KIF6: variants seen among roughly 807,000 people sequenced by gnomAD.
The protein encoded by KIF6 is kinesin-like protein KIF6.
Under a neutral mutation model 112.7 loss-of-function variants are expected in KIF6, and 106 were observed. That is an observed-to-expected ratio of 0.94 (90% CI 0.80 to 1.11). KIF6 has a LOEUF of 1.11. Among genes scored for constraint, KIF6 ranks in the 50% least tolerant of loss-of-function variants. KIF6 has a pLI of 0.00. For synonymous variants in KIF6, 339 were observed against 339.9 expected, an observed-to-expected ratio of 1.00 and a Z score of 0.03; for missense variants, 929 against 964.0, an observed-to-expected ratio of 0.96 and a Z score of 0.48.
intron 18 of KIF6, 41 bp from the exon 19 acceptor site, chr6:39,357,415 C>G (rs1213375605): frequency 4.9e-6 from 5 of 1,017,916 alleles, no homozygotes; most frequent in Non-Finnish European, 7.6e-6. Context: ...TAGCTTGAAT[C>G]TAATGACATA....
In KIF6 at chr6:39,615,159, C is replaced by T. The variant is rs533504892; in HGVS notation, c.510-1841G>A. ...CTGTCCTCCAGTCTGGGAGACGGAG[C>T]GAGGCCTTTTCTAAAAAAAAAAAAA... On this transcript the variant is annotated intron_variant, in intron 5 of 22. Coordinates refer to ENST00000287152, the MANE Select transcript of KIF6 (RefSeq NM_145027.6). Among the ~76,000 whole-genome samples, 9 of 147,752 alleles carry T rather than the reference C, an allele frequency of 6.1e-5. No individual in the cohort carries two copies. The South Asian group carries it at 6.5e-4, about 11-fold the overall frequency.
chr6:39,354,661 T>C (rs1383466789), intron 19 of KIF6, among the ~76,000 whole-genome samples: 1 of 152,120 alleles, frequency 6.6e-6, no homozygotes, highest in Non-Finnish European at 1.5e-5. Flanking sequence ...TGGTCACTAA[T>C]TGGGTAAGCA....
At chr6:39,414,491 G>A (rs1214724890) in intron 15 of KIF6, among the ~76,000 whole-genome samples, 1 of 152,214 alleles carries the variant, frequency 6.6e-6, no homozygotes, top group African/African-American at 2.4e-5. Context: ...AGAAAAAGGT[G>A]TGCCTTCCTA....
intron 3 of KIF6, among the ~76,000 whole-genome samples, chr6:39,669,732 G>C (rs1786689632): frequency 6.6e-6 from 1 of 152,214 alleles, no homozygotes; most frequent in Admixed American, 6.5e-5. Flanking sequence ...GGGGCAGCAC[G>C]AGGTGGGCGG....
intron 13 of KIF6, among the ~76,000 whole-genome samples, chr6:39,444,077 C>T (rs1349281469): frequency 6.6e-6 from 1 of 152,248 alleles, no homozygotes; most frequent in East Asian, 1.9e-4. Context: ...TACATATGTT[C>T]TTATTTAATT....
intron 5 of KIF6, among the ~76,000 whole-genome samples, chr6:39,615,498 C>T (rs1180707369): frequency 7.0e-6 from 1 of 142,722 alleles, no homozygotes; most frequent in African/African-American, 2.6e-5. Context: ...ACCCACCCCA[C>T]TCTCCCCAGA....
intron 16 of KIF6, among the ~76,000 whole-genome samples, chr6:39,371,900 G>C (rs1051713711): frequency 6.6e-6 from 1 of 152,134 alleles, no homozygotes; most frequent in African/African-American, 2.4e-5. Flanking sequence ...CAGGCCCAGA[G>C]AGTCCAAGGC....
intron 15 of KIF6, among the ~76,000 whole-genome samples, chr6:39,387,428 G>A (rs1767518523): frequency 6.6e-6 from 1 of 152,168 alleles, no homozygotes; most frequent in Non-Finnish European, 1.5e-5. Context: ...CTTGGGAAAG[G>A]GTCTGGGGCA....
intron 5 of KIF6, among the ~76,000 whole-genome samples, chr6:39,618,835 C>T (rs151073172): frequency 4.7e-4 from 72 of 152,222 alleles, no homozygotes; most frequent in African/African-American, 1.6e-3. Flanking sequence ...TCCCTAAAAC[C>T]CAACTCTGAC....
chr6:39,551,808 A>G (rs1779399231), intron 10 of KIF6, among the ~76,000 whole-genome samples: 1 of 152,196 alleles, frequency 6.6e-6, no homozygotes, highest in African/African-American at 2.4e-5. Context: ...TTCATTCATC[A>G]ACCCTCTGTG....
intron 13 of KIF6, among the ~76,000 whole-genome samples, chr6:39,504,360 G>A (rs1465075679): frequency 6.6e-6 from 1 of 151,930 alleles, no homozygotes; most frequent in African/African-American, 2.4e-5. Flanking sequence ...AAAATAATAA[G>A]AGCCATATAT....
intron 16 of KIF6, among the ~76,000 whole-genome samples, chr6:39,377,074 CT>C (rs1023065861): frequency 6.6e-6 from 1 of 152,074 alleles, no homozygotes; most frequent in Non-Finnish European, 1.5e-5. Flanking sequence ...GTTGTTTTCT[CT>C]TTTTCTTTTT....
chr6:39,605,526 A>G (rs1428119585), intron 6 of KIF6, among the ~76,000 whole-genome samples: 3 of 152,132 alleles, frequency 2.0e-5, no homozygotes. Flanking sequence ...TGTATAAACA[A>G]TTAAGACACA....
intron 6 of KIF6, among the ~76,000 whole-genome samples, chr6:39,605,250 C>G (rs1199261761): frequency 6.6e-6 from 1 of 152,046 alleles, no homozygotes; most frequent in Non-Finnish European, 1.5e-5. Flanking sequence ...GCCATCAAAA[C>G]AGTAACTTAT....
intron 5 of KIF6, among the ~76,000 whole-genome samples, chr6:39,627,161 G>A (rs1784134792): frequency 6.6e-6 from 1 of 152,108 alleles, no homozygotes; most frequent in African/African-American, 2.4e-5. Flanking sequence ...AACTGTCACA[G>A]AACAAGCCCT....
At position 39,482,006 on chromosome 6, in the gene KIF6, G is replaced by GCACACACACACA. The variant is rs143093562; in HGVS notation, c.1646-50857_1646-50846dup. Among the ~76,000 whole-genome samples, 685 of 141,236 alleles carry GCACACACACACA rather than the reference G, an allele frequency of 4.9e-3. 12 individuals are homozygous for GCACACACACACA. The East Asian group carries it at 0.084, about 17-fold the overall frequency. 92.7% of individuals were successfully genotyped at this position (141,236 alleles called of 152,430 possible). On this transcript the variant is annotated intron_variant, in intron 13 of 22. Transcript: ENST00000287152. ...GAGATAAAGACAACGGGACCTTTAGGCACACACACACACACACACACACAC... is the reference window on the plus strand; with the variant it reads ...GAGATAAAGACAACGGGACCTTTAGGCACACACACACACACACACACACACACACACACACAC...
intron 13 of KIF6, among the ~76,000 whole-genome samples, chr6:39,519,764 T>TA (rs1474081958): frequency 7.9e-6 from 1 of 127,308 alleles, no homozygotes; most frequent in African/African-American, 3.3e-5. Context: ...CTCATGCCTG[T>TA]AAATTCCAGC....
intron 3 of KIF6, among the ~76,000 whole-genome samples, chr6:39,660,462 T>C (rs2150810572): frequency 6.6e-6 from 1 of 152,326 alleles, no homozygotes; most frequent in East Asian, 1.9e-4. Context: ...TGTCTAGTTG[T>C]GTTGTCAATG....
Position 39,449,755 on chromosome 6 carries a change from A to G in KIF6, c.1646-18594T>C, listed in dbSNP as rs543900126. On this transcript the variant is annotated intron_variant, in intron 13 of 22. Transcript: ENST00000287152. Reference sequence around the variant, plus strand: ...AGTCCCATTGTAAACAGGTCCTCTGATAGGTACCAGATTGGCACACCTGCC... The same window carrying G: ...AGTCCCATTGTAAACAGGTCCTCTGGTAGGTACCAGATTGGCACACCTGCC... Among the ~76,000 whole-genome samples the G allele has an allele frequency of 2.2e-3, 329 of 152,298 alleles. 1 individual carries two copies. Among genetic ancestry groups the G allele is most frequent in the African/African-American group, 7.0e-3 (293 of 41,570 alleles).
Sources: allele counts gnomAD v4.1 joint callset (sites outside exome capture counted in the v4.1 genomes callset), GRCh38; gene constraint gnomAD v4.1.1; transcripts MANE v1.5; gene names NCBI Gene and HGNC (gene_info 2026-07-23, HGNC 2026-07-21).